PTPRD: variants seen among roughly 807,000 people sequenced by gnomAD.
PTPRD encodes the protein receptor-type tyrosine-protein phosphatase delta.
Under a neutral mutation model 214.5 loss-of-function variants are expected in PTPRD, and 34 were observed. The observed-to-expected ratio is 0.16, with a 90% CI of 0.12 to 0.21. The LOEUF (loss-of-function observed/expected upper bound fraction) is 0.21, where lower values mean the gene tolerates loss of function less well. Ranked by LOEUF, PTPRD falls within the 10% of genes least tolerant of loss-of-function variation. PTPRD has a pLI of 1.00. For missense variants in PTPRD, 2,545 were observed against 2,398.7 expected (o/e 1.06, Z -1.27); for synonymous variants, 1,128 against 845.7 (o/e 1.33, Z -5.79).
At chr9:8,998,325 C>A (rs951303818) in intron 11 of PTPRD, among the ~76,000 whole-genome samples, 1 of 152,060 alleles carries the variant, frequency 6.6e-6, no homozygotes, top group African/African-American at 2.4e-5. Flanking sequence ...TAGTGGAAGA[C>A]AATACTCATT....
chr9:8,718,533 C>T (rs995385934), intron 12 of PTPRD, among the ~76,000 whole-genome samples: 4 of 152,152 alleles, frequency 2.6e-5, no homozygotes, highest in African/African-American at 9.7e-5. Flanking sequence ...ATGAGTCATG[C>T]TGTGGGGCTC....
chr9:9,504,605 C>T (rs1312906093), intron 8 of PTPRD, among the ~76,000 whole-genome samples: 17 of 151,730 alleles, frequency 1.1e-4, no homozygotes, highest in Non-Finnish European at 1.9e-4. Context: ...GGCAAAGATG[C>T]CTACGCTCAC....
At chr9:9,793,180 T>C (rs1330627281) in intron 5 of PTPRD, among the ~76,000 whole-genome samples, 2 of 152,138 alleles carry the variant, frequency 1.3e-5, no homozygotes, top group Non-Finnish European at 2.9e-5. Context: ...TTTAGTCTCC[T>C]ATATTCACAA....
At chr9:9,298,652 G>A (rs1954060506) in intron 9 of PTPRD, among the ~76,000 whole-genome samples, 1 of 151,680 alleles carries the variant, frequency 6.6e-6, no homozygotes, top group Non-Finnish European at 1.5e-5. Context: ...TGAAGCAGGA[G>A]GGAAAAGATA....
intron 12 of PTPRD, among the ~76,000 whole-genome samples, chr9:8,709,294 C>T (rs904543735): frequency 6.6e-6 from 1 of 151,860 alleles, no homozygotes; most frequent in Non-Finnish European, 1.5e-5. Context: ...GTGGGCGGAT[C>T]ACGAGGTCAG....
chr9:8,516,016 C>T (rs776159080), intron 21 of PTPRD, among the ~76,000 whole-genome samples: 3 of 152,060 alleles, frequency 2.0e-5, no homozygotes, highest in Non-Finnish European at 4.4e-5. Context: ...TACTCCAAGA[C>T]CAGGGATTGA....
rs1011690425 is a variant in PTPRD at position 9,144,799 on chromosome 9, A to AAAAC, written c.-143+38501_-143+38504dup. On this transcript the variant is annotated intron_variant, in intron 10 of 45. Coordinates refer to ENST00000381196, the MANE Select transcript of PTPRD (RefSeq NM_002839.4). ...AACAAAAACAAACACAAAAACCCAA[A>AAAAC]AAACAAACAAACAAACAAAATCTTT... is the stretch of plus-strand genomic sequence containing the variant. Among the ~76,000 whole-genome samples, 23 of 152,166 alleles carry AAAAC rather than the reference A, an allele frequency of 1.5e-4. No homozygotes were observed. In the South Asian group the frequency reaches 1.9e-3, roughly 12 times the overall value.
At chr9:8,410,253 G>C (rs2093408293) in intron 35 of PTPRD, among the ~76,000 whole-genome samples, 1 of 152,226 alleles carries the variant, frequency 6.6e-6, no homozygotes, top group Admixed American at 6.5e-5. Flanking sequence ...GAGTTCAGTT[G>C]AATCCTATGA....
chr9:10,207,144 A>T (rs1376410224), intron 3 of PTPRD, among the ~76,000 whole-genome samples: 1 of 152,150 alleles, frequency 6.6e-6, no homozygotes, highest in Non-Finnish European at 1.5e-5. Context: ...CAGTTCTTTT[A>T]TGCTCCTTCC....
intron 7 of PTPRD, among the ~76,000 whole-genome samples, chr9:9,730,724 GATTC>G (rs2098174307): frequency 6.6e-6 from 1 of 152,054 alleles, no homozygotes; most frequent in Admixed American, 6.6e-5. Flanking sequence ...TCAGCATCTT[GATTC>G]ATTAAGTATG....
chr9:8,562,921 G>C (rs928804438), intron 14 of PTPRD, among the ~76,000 whole-genome samples: 1 of 137,962 alleles, frequency 7.2e-6, no homozygotes, highest in Non-Finnish European at 1.5e-5. Context: ...TTTTGTATTT[G>C]GTGCAAGGAA....
intron 5 of PTPRD, among the ~76,000 whole-genome samples, chr9:9,886,043 A>C (rs2070769972): frequency 6.6e-6 from 1 of 152,078 alleles, no homozygotes; most frequent in African/African-American, 2.4e-5. Context: ...AATGAAAAGA[A>C]ACCTTTGGAC....
intron 39 of PTPRD, among the ~76,000 whole-genome samples, chr9:8,357,221 T>TCTC (rs2077187646): frequency 6.6e-6 from 1 of 152,192 alleles, no homozygotes; most frequent in African/African-American, 2.4e-5. Flanking sequence ...TTTTCCTCAT[T>TCTC]CTCCAGTCAC....
chr9:8,839,250 C>G (rs564203259), intron 11 of PTPRD, among the ~76,000 whole-genome samples: 2 of 151,988 alleles, frequency 1.3e-5, no homozygotes, highest in Non-Finnish European at 2.9e-5. Context: ...AGTGTTTTGC[C>G]TATTAAATGA....
At chr9:9,240,002 G>GC (rs1448563600) in intron 9 of PTPRD, among the ~76,000 whole-genome samples, 1 of 152,110 alleles carries the variant, frequency 6.6e-6, no homozygotes, top group Non-Finnish European at 1.5e-5. Flanking sequence ...AGCTAACACA[G>GC]ATTTGGATTG....
chr9:9,030,824 G>A (rs1277810053), intron 10 of PTPRD, among the ~76,000 whole-genome samples: 2 of 151,966 alleles, frequency 1.3e-5, no homozygotes, highest in Non-Finnish European at 2.9e-5. Flanking sequence ...ACTCTAGATT[G>A]CAATTTATAT....
intron 7 of PTPRD, among the ~76,000 whole-genome samples, chr9:9,604,789 T>C (rs16929902): frequency 0.16 from 23,681 of 151,956 alleles, 2,238 homozygotes; most frequent in African/African-American, 0.24. Flanking sequence ...CATTTTTGTT[T>C]TTAAATCACA....
At chr9:8,708,785 T>C (rs914517755) in intron 12 of PTPRD, among the ~76,000 whole-genome samples, 2 of 151,830 alleles carry the variant, frequency 1.3e-5, no homozygotes, top group Admixed American at 1.3e-4. Flanking sequence ...CAAAGAGATG[T>C]GTACATTCCC....
chr9:8,347,496 T>C (rs1248810367), intron 39 of PTPRD, among the ~76,000 whole-genome samples: 2 of 152,136 alleles, frequency 1.3e-5, no homozygotes, highest in East Asian at 3.9e-4. Context: ...TGAATAAACA[T>C]CTAATTACAA....
Sources: gnomAD v4.1 joint callset for allele counts (sites outside exome capture counted in the v4.1 genomes callset) on GRCh38, gnomAD v4.1.1 for gene constraint, MANE v1.5 for transcripts, NCBI Gene and HGNC (gene_info 2026-07-23, HGNC 2026-07-21) for gene names.